The following PLD5 variants were observed in gnomAD, a reference collection of about 807,000 sequenced individuals.
PLD5 encodes the protein phospholipase D family member 5.
A neutral mutation model predicts 61.1 loss-of-function variants in PLD5; 36 were observed. The observed-to-expected ratio is 0.59, with a 90% confidence interval of 0.45 to 0.78. The LOEUF (loss-of-function observed/expected upper bound fraction) is 0.78. Ranked by LOEUF, PLD5 falls within the 30% of genes least tolerant of loss-of-function variation. The pLI, the probability that PLD5 is intolerant of heterozygous loss-of-function variation, is 0.00. For synonymous variants in PLD5, 243 were observed against 242.8 expected, an observed-to-expected ratio of 1.00 and a Z score of -0.01; for missense variants, 515 against 644.4, an observed-to-expected ratio of 0.80 and a Z score of 2.17.
chr1:242,445,689 C>T (rs1202254731), intron 1 of PLD5, among the ~76,000 whole-genome samples: 4 of 151,612 alleles, frequency 2.6e-5, no homozygotes, highest in South Asian at 4.2e-4. Flanking sequence ...TTTGTTAGAG[C>T]AGCCTGAACA....
chr1:242,402,971 G>C (rs1664024608), intron 1 of PLD5, among the ~76,000 whole-genome samples: 1 of 152,208 alleles, frequency 6.6e-6, no homozygotes, highest in Admixed American at 6.5e-5. Context: ...AAAAATTAAA[G>C]TCTCTATTTT....
intron 5 of PLD5, among the ~76,000 whole-genome samples, chr1:242,202,979 C>T (rs1669076493): frequency 6.6e-6 from 1 of 151,982 alleles, no homozygotes; most frequent in African/African-American, 2.4e-5. Context: ...TTAGCTGGAT[C>T]GTATATAAAA....
chr1:242,248,241 A>G (rs577177762), intron 4 of PLD5, among the ~76,000 whole-genome samples: 11 of 152,368 alleles, frequency 7.2e-5, no homozygotes, highest in South Asian at 6.2e-4. Context: ...GACAGCAATC[A>G]TGTTGTAACT....
chr1:242,317,212 G>A (rs754863641), intron 2 of PLD5, among the ~76,000 whole-genome samples: 3 of 151,842 alleles, frequency 2.0e-5, no homozygotes, highest in Admixed American at 1.3e-4. Context: ...ACATGGTTTC[G>A]CCATGTTGTC....
chr1:242,328,322 T>C (rs909329053), intron 2 of PLD5, among the ~76,000 whole-genome samples: 1 of 116,028 alleles, frequency 8.6e-6, no homozygotes, highest in African/African-American at 3.0e-5. Context: ...GTTCTACATA[T>C]ATGTGTTTTA....
chr1:242,166,294 G>A (rs145934933), intron 5 of PLD5, among the ~76,000 whole-genome samples: 67 of 152,290 alleles, frequency 4.4e-4, no homozygotes, highest in African/African-American at 1.4e-3. Flanking sequence ...TGGGCATTAG[G>A]CTGTCCTCCA....
At chr1:242,210,283 G>C (rs1315131934) in intron 5 of PLD5, 1 of 152,290 alleles carries the variant, frequency 6.6e-6, no homozygotes, top group Non-Finnish European at 1.5e-5. Flanking sequence ...TTGCTGACAT[G>C]AGAAAGTTTG....
intron 4 of PLD5, among the ~76,000 whole-genome samples, chr1:242,262,656 G>A (rs1332003495): frequency 6.6e-6 from 1 of 152,116 alleles, no homozygotes; most frequent in Non-Finnish European, 1.5e-5. Context: ...AGAAAGACGG[G>A]GGGATAGAGT....
intron 1 of PLD5, among the ~76,000 whole-genome samples, chr1:242,486,318 T>A (rs1343873344): frequency 2.0e-5 from 3 of 152,230 alleles, no homozygotes; most frequent in Admixed American, 6.5e-5. Context: ...TCTACTCATC[T>A]GACAAAGGGC....
intron 5 of PLD5, among the ~76,000 whole-genome samples, chr1:242,219,006 G>A (rs10926653): frequency 0.33 from 50,025 of 152,066 alleles, 8,679 homozygotes; most frequent in East Asian, 0.59. Flanking sequence ...GTAAGGTAAT[G>A]ATTGATAACA....
chr1:242,229,875 T>C (rs983352860), intron 4 of PLD5, among the ~76,000 whole-genome samples: 5 of 151,538 alleles, frequency 3.3e-5, no homozygotes, highest in African/African-American at 1.2e-4. Flanking sequence ...CCTTGCCCTA[T>C]GTCACTGGTA....
intron 1 of PLD5, among the ~76,000 whole-genome samples, chr1:242,433,961 A>G (rs1228057740): frequency 6.6e-6 from 1 of 152,212 alleles, no homozygotes; most frequent in Non-Finnish European, 1.5e-5. Flanking sequence ...AATGAGGAGG[A>G]AGGCAGATTA....
rs114411138 is a variant in PLD5, at chr1:242,235,137, C to A, written c.608-15022G>T. On this transcript the variant is annotated intron_variant, in intron 4 of 9. Coordinates refer to ENST00000536534, the MANE Select transcript of PLD5 (RefSeq NM_001372062.1). ...AGTTCCCTTTTGTAACCGCTCATCA[C>A]AAGAGTCATTTCTTATTTAGCATTT... Among the ~76,000 whole-genome samples the A allele has an allele frequency of 8.0e-3, 1,211 of 152,256 alleles. 12 individuals carry two copies. Among genetic ancestry groups the A allele is most frequent in the African/African-American group, 0.026 (1,073 of 41,542 alleles).
At chr1:242,135,164 G>C (rs534301252) in intron 5 of PLD5, among the ~76,000 whole-genome samples, 1 of 152,230 alleles carries the variant, frequency 6.6e-6, no homozygotes, top group Admixed American at 6.5e-5. Flanking sequence ...TGTGTATACA[G>C]ACATATGTAT....
At chr1:242,102,457 AG>A (rs1245987123) in intron 8 of PLD5, among the ~76,000 whole-genome samples, 1 of 152,208 alleles carries the variant, frequency 6.6e-6, no homozygotes, top group Non-Finnish European at 1.5e-5. Context: ...ACATTTCAAA[AG>A]GGGTTTATTA....
At chr1:242,303,272 G>T (rs996182258) in intron 2 of PLD5, among the ~76,000 whole-genome samples, 1 of 152,142 alleles carries the variant, frequency 6.6e-6, no homozygotes, top group Non-Finnish European at 1.5e-5. Context: ...TCTTTCCTGA[G>T]CCTGCCCTTG....
At chr1:242,470,343 A>G (rs1011976676) in intron 1 of PLD5, among the ~76,000 whole-genome samples, 1 of 129,380 alleles carries the variant, frequency 7.7e-6, no homozygotes, top group African/African-American at 3.2e-5. Flanking sequence ...CTCGGTCTCA[A>G]AGAAAAAAAA....
At chr1:242,443,096 T>C (rs1270987505) in intron 1 of PLD5, among the ~76,000 whole-genome samples, 1 of 152,202 alleles carries the variant, frequency 6.6e-6, no homozygotes, top group East Asian at 1.9e-4. Context: ...TCAGAAATAT[T>C]AAATCCTATG....
intron 8 of PLD5, among the ~76,000 whole-genome samples, chr1:242,102,143 C>G (rs1274620561): frequency 1.3e-5 from 2 of 152,200 alleles, no homozygotes; most frequent in African/African-American, 4.8e-5. Flanking sequence ...TCAATAACAG[C>G]CAGAAGTCAC....
Sources: allele counts gnomAD v4.1 joint callset (sites outside exome capture counted in the v4.1 genomes callset), GRCh38; gene constraint gnomAD v4.1.1; transcripts MANE v1.5; gene names NCBI Gene and HGNC (gene_info 2026-07-23, HGNC 2026-07-21).